Variants in TIRAP observed in about 807,000 individuals in gnomAD.
TIRAP encodes TIR domain containing adaptor protein.
A neutral mutation model predicts 19.8 loss-of-function variants in TIRAP; 20 were observed. The observed-to-expected ratio is 1.01, with a 90% CI of 0.71 to 1.47. TIRAP has a LOEUF of 1.47. Among genes scored for constraint, TIRAP ranks in the 40% most tolerant of loss-of-function variants. The probability of loss-of-function intolerance (pLI) is 0.00; values close to 1 mark genes in which losing one functional copy is unlikely to be tolerated. For missense variants in TIRAP, 276 were observed against 285.1 expected, an observed-to-expected ratio of 0.97 and a Z score of 0.23; for synonymous variants, 125 against 121.7, an observed-to-expected ratio of 1.03 and a Z score of -0.18.
chr11:126,291,385 T>C lies in TIRAP; in HGVS notation c.67+424T>C, dbSNP rs1951383109. On this transcript the variant is annotated intron_variant, in intron 3 of 4. Coordinates refer to ENST00000392679, the MANE Select transcript of TIRAP (RefSeq NM_001318777.2). This position sits in a 1 kb window ranked among gnomAD's most constrained non-coding sequence, Gnocchi z 5.6. Reference sequence around the variant, plus strand: ...GTTTTCATCTCCTTATGGAGTCCCATACTCCAAACACAGACCTGAGCAGTG... The same window carrying C: ...GTTTTCATCTCCTTATGGAGTCCCACACTCCAAACACAGACCTGAGCAGTG... The C allele has an allele frequency of 8.1e-7, 1 of 1,231,838 alleles. No homozygotes were observed. The highest frequency in any genetic ancestry group is 2.2e-5 in the Admixed American group (1 of 44,534). The allele number at this position is 1,231,838 out of a possible 1,614,324, so 76.3% of individuals were successfully genotyped here.
chr11:126,292,377 CAG>C (rs1159594920), intron 3 of TIRAP, 98 bp from the exon 4 acceptor site: 1 of 1,262,460 alleles, frequency 7.9e-7, no homozygotes, highest in Non-Finnish European at 1.1e-6. Flanking sequence ...AGGTGGGCTG[CAG>C]TCTGTCTGTC....
intron 1 of TIRAP, 27 bp downstream of exon 1, chr11:126,283,180 A>G (rs2135278740): frequency 4.1e-6 from 4 of 975,880 alleles, no homozygotes; most frequent in Non-Finnish European, 3.7e-6. Flanking sequence ...GTCGCGGGGG[A>G]CCGGGAGGCG....
chr11:126,289,982 T>TTTAA lies in TIRAP; in HGVS notation c.-216-479_-216-478insTAAT, dbSNP rs1344785680. The TTTAA allele has an allele frequency of 8.5e-4, 233 of 274,534 alleles. No homozygotes were observed. The Middle Eastern group carries it at 8.6e-3, about 10-fold the overall frequency. 17.0% of individuals were successfully genotyped at this position (274,534 alleles called of 1,614,324 possible). ...GAATTAATGATCAGTTTGGGAAACG[T>TTTAA]TAACATTACAAGTTTAATAAACCAT... On this transcript the variant is annotated intron_variant, in intron 1 of 4. Coordinates refer to ENST00000392679, the MANE Select transcript of TIRAP (RefSeq NM_001318777.2).
intron 1 of TIRAP, among the ~76,000 whole-genome samples, chr11:126,285,317 A>G (rs35140212): frequency 0.01 from 1,567 of 150,842 alleles, 16 homozygotes; most frequent in Non-Finnish European, 0.017. Flanking sequence ...GCTGCAGTGC[A>G]ATGGCGCAGT....
In TIRAP at chr11:126,292,631, G is replaced by C; in HGVS notation, c.222G>C (p.Ala74=). 1 of 1,614,158 alleles carries C rather than the reference G, an allele frequency of 6.2e-7. No homozygotes were observed. ...CTCCCAGCCTGCCACCCACACATGCGAGTGACAGTGGCAGTAGTCGCTGGA... is the reference window on the plus strand; with the variant it reads ...CTCCCAGCCTGCCACCCACACATGCCAGTGACAGTGGCAGTAGTCGCTGGA... ...VTSPSLPPTH[A]SDSGSSRWSK... is the part of the protein sequence containing the mutation. The change falls in exon 4 of 5, where the codon GCG becomes GCC. Residue 74 remains alanine (A), a synonymous_variant. Coordinates refer to ENST00000392679, the MANE Select transcript of TIRAP (RefSeq NM_001318777.2).
Position 126,290,993 on chromosome 11 carries a change from G to C in TIRAP, c.67+32G>C. The C allele has an allele frequency of 6.3e-7, 1 of 1,586,418 alleles. No individual in the cohort carries two copies. On this transcript the variant is annotated intron_variant, in intron 3 of 4. Coordinates refer to ENST00000392679, the MANE Select transcript of TIRAP (RefSeq NM_001318777.2). This position sits in a 1 kb window ranked among gnomAD's most constrained non-coding sequence, Gnocchi z 4.9. ...GGAACCGGACTCGCGACTCTGCTGT[G>C]TTCCTGAGTGTAGTGCTCAGCCTCC... is the stretch of plus-strand genomic sequence containing the variant.
At chr11:126,292,253 A>C (rs1490982612) in intron 3 of TIRAP, among the ~76,000 whole-genome samples, 3 of 150,556 alleles carry the variant, frequency 2.0e-5, no homozygotes, top group African/African-American at 7.4e-5. Flanking sequence ...GCAGTGAGCC[A>C]AGATCGCACC....
At chr11:126,289,700 T>C (rs1591372963) in intron 1 of TIRAP, 3 of 985,486 alleles carry the variant, frequency 3.0e-6, no homozygotes, top group East Asian at 1.1e-4. Flanking sequence ...TGCCAGTTGC[T>C]CTGCCAGCCT....
Position 126,290,843 on chromosome 11 carries a change from C to G in TIRAP, c.-52C>G. On this transcript the variant is annotated 5_prime_UTR_variant, in exon 3 of 5. Coordinates refer to ENST00000392679, the MANE Select transcript of TIRAP (RefSeq NM_001318777.2). This position sits in a 1 kb window ranked among gnomAD's most constrained non-coding sequence, Gnocchi z 4.9. Reference sequence around the variant, plus strand: ...AGGTCAAGACTGGGTCTCCTCCCTCCTCCCCCTTCACCAATGCCTGGTCTC... The same window carrying G: ...AGGTCAAGACTGGGTCTCCTCCCTCGTCCCCCTTCACCAATGCCTGGTCTC... 1 of 1,560,466 alleles carries G rather than the reference C, an allele frequency of 6.4e-7. No individual in the cohort carries two copies.
In TIRAP at chr11:126,287,155, C is replaced by G. The variant is rs181981276; in HGVS notation, c.-216-3307C>G. 3.3e-4 allele frequency among the ~76,000 whole-genome samples: 50 copies of G among 152,276 alleles called. No individual in the cohort carries two copies. The highest frequency in any genetic ancestry group is 5.9e-4 in the Admixed American group (9 of 15,298). ...ATTAGGATGTGGGCCTCTTTGTGGGCCACTATTCTGTCTACCCCAGATAGT... is the reference window on the plus strand; with the variant it reads ...ATTAGGATGTGGGCCTCTTTGTGGGGCACTATTCTGTCTACCCCAGATAGT... On this transcript the variant is annotated intron_variant, in intron 1 of 4. Transcript: ENST00000392679. This position sits in a 1 kb window ranked among gnomAD's most constrained non-coding sequence, Gnocchi z 4.2.
chr11:126,283,520 C>G (rs1187350846), intron 1 of TIRAP, among the ~76,000 whole-genome samples: 1 of 152,212 alleles, frequency 6.6e-6, no homozygotes, highest in Non-Finnish European at 1.5e-5. Flanking sequence ...CAGCCTCTTC[C>G]TCTGCTCTTC....
rs1951333703 is a variant in TIRAP at position 126,287,357 on chromosome 11, G to A, written c.-216-3105G>A. Among the ~76,000 whole-genome samples the A allele has an allele frequency of 6.6e-6, 1 of 150,658 alleles. No homozygotes were observed. Among genetic ancestry groups the A allele is most frequent in the South Asian group, 2.1e-4 (1 of 4,784 alleles). On this transcript the variant is annotated intron_variant, in intron 1 of 4. Coordinates refer to ENST00000392679, the MANE Select transcript of TIRAP (RefSeq NM_001318777.2). This position sits in a 1 kb window ranked among gnomAD's most constrained non-coding sequence, Gnocchi z 4.2. Reference sequence around the variant, plus strand: ...ATTTTTGAGACTTGAGTCTTGCTCTGTTGCCCAGGCTGGAGTGCAGTGGCA... The same window carrying A: ...ATTTTTGAGACTTGAGTCTTGCTCTATTGCCCAGGCTGGAGTGCAGTGGCA...
At position 126,288,280 on chromosome 11, in the gene TIRAP, G is replaced by A. The variant is rs558942850; in HGVS notation, c.-216-2182G>A. On this transcript the variant is annotated intron_variant, in intron 1 of 4. Coordinates refer to ENST00000392679, the MANE Select transcript of TIRAP (RefSeq NM_001318777.2). This position sits in a 1 kb window ranked among gnomAD's most constrained non-coding sequence, Gnocchi z 5.0. ...TTCAAAGCACAAAGAAAGCGACTGC[G>A]TATTAGACCACACAGCAAATCAGAG... Among the ~76,000 whole-genome samples, 4 of 152,354 alleles carry A rather than the reference G, an allele frequency of 2.6e-5. No homozygotes were observed. Among genetic ancestry groups the A allele is most frequent in the East Asian group, 1.9e-4 (1 of 5,188 alleles).
intron 1 of TIRAP, among the ~76,000 whole-genome samples, chr11:126,284,998 C>G (rs1481337826): frequency 6.6e-6 from 1 of 152,224 alleles, no homozygotes; most frequent in East Asian, 1.9e-4. Flanking sequence ...CACACTCTTA[C>G]CACTACTTGA....
chr11:126,291,509 T>C lies in TIRAP; in HGVS notation c.67+548T>C. The C allele has an allele frequency of 2.1e-6, 2 of 936,016 alleles. No individual in the cohort carries two copies. The highest frequency in any genetic ancestry group is 3.0e-6 in the Non-Finnish European group (2 of 663,084). 58.0% of individuals were successfully genotyped at this position (936,016 alleles called of 1,614,324 possible). A position where few individuals can be genotyped will look rare whatever the true frequency, so the allele number is the denominator to read the frequency against. On this transcript the variant is annotated intron_variant, in intron 3 of 4. Coordinates refer to ENST00000392679, the MANE Select transcript of TIRAP (RefSeq NM_001318777.2). This position sits in a 1 kb window ranked among gnomAD's most constrained non-coding sequence, Gnocchi z 5.6. ...CTGACACTGCATTATCTCAGTTAAC[T>C]TTCAGCAACTAAGACAGGTCCACAA...
chr11:126,284,119 C>T (rs1313424080), intron 1 of TIRAP, among the ~76,000 whole-genome samples: 1 of 150,812 alleles, frequency 6.6e-6, no homozygotes, highest in Non-Finnish European at 1.5e-5. Context: ...TCACTGCAGC[C>T]TCCGCCTTGT....
In TIRAP at chr11:126,292,857, G is replaced by A; in HGVS notation, c.448G>A (p.Gly150Ser). 6.2e-7 allele frequency: 1 copy of A among 1,613,238 alleles called. No individual in the cohort carries two copies. The highest frequency in any genetic ancestry group is 8.5e-7 in the Non-Finnish European group (1 of 1,179,956). The part of the protein sequence containing the change: ...SHCRVLLITP[G>S]FLQDPWCKYQ... ...CTGCCGGGTGCTGCTCATCACGCCG[G>A]GCTTCCTTCAGGACCCCTGGTGCAA... The change falls in exon 4 of 5, where the codon GGC (glycine) becomes AGC (serine). Residue 150 changes from glycine to serine, a missense_variant. Coordinates refer to ENST00000392679, the MANE Select transcript of TIRAP (RefSeq NM_001318777.2).
intron 1 of TIRAP, among the ~76,000 whole-genome samples, chr11:126,283,459 T>A (rs1951279936): frequency 6.6e-6 from 1 of 152,240 alleles, no homozygotes; most frequent in South Asian, 2.1e-4. Flanking sequence ...AGCCTGGCGC[T>A]CAGTGCGTTG....
In TIRAP at chr11:126,292,967, C is replaced by T. The variant is rs7932766; in HGVS notation, c.558C>T (p.Ala186=). ...TGCTGTCGGGCCTCAGCAGAGCTGC[C>T]TACCCACCTGAGCTCCGATTCATGT... ...IPLLSGLSRA[A]YPPELRFMYY... is the part of the protein sequence containing the mutation. The change falls in exon 4 of 5, where the codon GCC becomes GCT. Residue 186 remains alanine, a synonymous_variant. Coordinates refer to ENST00000392679, the MANE Select transcript of TIRAP (RefSeq NM_001318777.2). 354,390 of 1,613,986 alleles carry T rather than the reference C, an allele frequency of 0.22. 41,685 individuals are homozygous for T. Among genetic ancestry groups the T allele is most frequent in the Non-Finnish European group, 0.25 (290,941 of 1,179,912 alleles).
Sources: allele counts gnomAD v4.1 joint callset (sites outside exome capture counted in the v4.1 genomes callset), GRCh38; gene constraint gnomAD v4.1.1; non-coding constraint Gnocchi (gnomAD v3.1); transcripts MANE v1.5; gene names NCBI Gene and HGNC (gene_info 2026-07-23, HGNC 2026-07-21).